The following MOB3B variants were observed in gnomAD, a reference collection of about 807,000 sequenced individuals.
MOB3B encodes MOB kinase activator 3B.
MOB3B carries 7 observed loss-of-function variants against 18.7 expected under a neutral mutation model. The ratio of observed to expected loss-of-function variants is 0.37; its 90% CI spans 0.21 to 0.70. The LOEUF is 0.70. MOB3B is among the 30% of genes least tolerant of loss of function. MOB3B has a pLI of 0.52. For missense variants in MOB3B, 253 were observed against 281.3 expected (o/e 0.90, Z 0.72); for synonymous variants, 111 against 99.9 (o/e 1.11, Z -0.66).
At chr9:27,384,151 G>C (rs968099686) in intron 2 of MOB3B, among the ~76,000 whole-genome samples, 2 of 151,970 alleles carry the variant, frequency 1.3e-5, no homozygotes, top group African/African-American at 4.8e-5. Flanking sequence ...CCCTGCAAGG[G>C]AGGAATTATT....
In MOB3B at chr9:27,328,287, G is replaced by A. The variant is rs1458271598; in HGVS notation, c.*2300C>T. ...GGGCTGAAGCTCCATTTATAACAGA[G>A]ATGAACAGTTAGATGCAGTCAAGCA... On this transcript the variant is annotated 3_prime_UTR_variant, in exon 4 of 4. Coordinates refer to ENST00000262244, the MANE Select transcript of MOB3B (RefSeq NM_024761.5). 1 of 151,858 alleles carries A rather than the reference G, an allele frequency of 6.6e-6. No homozygotes were observed. Among genetic ancestry groups the A allele is most frequent in the East Asian group, 1.9e-4 (1 of 5,174 alleles). 9.4% of individuals were successfully genotyped at this position (151,858 alleles called of 1,614,324 possible).
intron 3 of MOB3B, among the ~76,000 whole-genome samples, chr9:27,341,900 G>A (rs1211590868): frequency 6.6e-6 from 1 of 152,172 alleles, no homozygotes; most frequent in Non-Finnish European, 1.5e-5. Flanking sequence ...GAAAATGACA[G>A]TTCATGGGTC....
intron 1 of MOB3B, among the ~76,000 whole-genome samples, chr9:27,492,162 T>C (rs760719479): frequency 1.5e-4 from 23 of 152,142 alleles, no homozygotes; most frequent in Admixed American, 3.9e-4. Context: ...AAGGAGAAAG[T>C]TGTGGAAAAA....
At chr9:27,467,130 A>C (rs1312471858) in intron 1 of MOB3B, among the ~76,000 whole-genome samples, 1 of 152,226 alleles carries the variant, frequency 6.6e-6, no homozygotes, top group Non-Finnish European at 1.5e-5. Flanking sequence ...AAGTTAAAAA[A>C]AAAGTTTGAA....
intron 2 of MOB3B, among the ~76,000 whole-genome samples, chr9:27,385,408 T>C (rs979793655): frequency 4.6e-5 from 7 of 152,044 alleles, no homozygotes; most frequent in Non-Finnish European, 1.0e-4. Flanking sequence ...GACTGACTGG[T>C]GGTTTTGAAA....
intron 1 of MOB3B, among the ~76,000 whole-genome samples, chr9:27,490,244 G>A (rs1041777725): frequency 1.1e-4 from 16 of 152,160 alleles, no homozygotes; most frequent in African/African-American, 3.4e-4. Context: ...GACCTACCAC[G>A]TATCAGGCGA....
At chr9:27,405,408 TC>T (rs1821952575) in intron 2 of MOB3B, among the ~76,000 whole-genome samples, 1 of 152,134 alleles carries the variant, frequency 6.6e-6, no homozygotes, top group African/African-American at 2.4e-5. Flanking sequence ...GCCCAACCTG[TC>T]CATTTTTTAA....
At chr9:27,506,583 G>A (rs1820063413) in intron 1 of MOB3B, among the ~76,000 whole-genome samples, 1 of 150,924 alleles carries the variant, frequency 6.6e-6, no homozygotes, top group Non-Finnish European at 1.5e-5. Context: ...CCAGGCTGGA[G>A]TGCAGTGGCT....
At chr9:27,364,751 T>C (rs1453893658) in intron 2 of MOB3B, among the ~76,000 whole-genome samples, 1 of 148,770 alleles carries the variant, frequency 6.7e-6, no homozygotes, top group Non-Finnish European at 1.5e-5. Flanking sequence ...CTAAAAGGTT[T>C]AGCTTACTGC....
intron 2 of MOB3B, among the ~76,000 whole-genome samples, chr9:27,423,822 A>G (rs1822290601): frequency 1.3e-5 from 2 of 152,252 alleles, no homozygotes; most frequent in African/African-American, 2.4e-5. Flanking sequence ...AGTATCAATT[A>G]TTTAGCTAGA....
intron 3 of MOB3B, among the ~76,000 whole-genome samples, chr9:27,341,060 C>T (rs558679161): frequency 6.6e-5 from 10 of 152,132 alleles, no homozygotes; most frequent in South Asian, 2.1e-4. Context: ...AGGCTGGATG[C>T]GGGAGGGCAG....
intron 3 of MOB3B, among the ~76,000 whole-genome samples, chr9:27,340,618 C>T (rs1019290753): frequency 3.3e-5 from 5 of 152,230 alleles, no homozygotes; most frequent in Non-Finnish European, 4.4e-5. Context: ...TTTTAGCACC[C>T]TGTCTTGCTC....
chr9:27,511,845 G>A (rs35527806), intron 1 of MOB3B, among the ~76,000 whole-genome samples: 7,559 of 152,146 alleles, frequency 0.05, 258 homozygotes, highest in East Asian at 0.095. Context: ...CATTTTGATT[G>A]CTAGATTGTT....
rs529213788 is a variant in MOB3B at position 27,487,838 on chromosome 9, A to G, written c.-198-32090T>C. Among the ~76,000 whole-genome samples the G allele has an allele frequency of 9.8e-4, 150 of 152,326 alleles. 2 individuals are homozygous for G. In the South Asian group the frequency reaches 0.029, roughly 29 times the overall value. ...TGCTTATTGATTCTGCTATGCTATCATCATGGCTTCTGCCTTCTCTTAACT... is the reference window on the plus strand; with the variant it reads ...TGCTTATTGATTCTGCTATGCTATCGTCATGGCTTCTGCCTTCTCTTAACT... On this transcript the variant is annotated intron_variant, in intron 1 of 3. Transcript: ENST00000262244.
Position 27,330,368 on chromosome 9 carries a change from G to C in MOB3B, c.*219C>G. On this transcript the variant is annotated 3_prime_UTR_variant, in exon 4 of 4. Coordinates refer to ENST00000262244, the MANE Select transcript of MOB3B (RefSeq NM_024761.5). ...GTCAAGGGGCTGGTCCTTCTTTCAC[G>C]TTGTGGTCTGCCTCGTCCACAGGTC... The C allele has an allele frequency of 1.9e-6, 1 of 523,918 alleles. No individual in the cohort carries two copies. The allele number at this position is 523,918 out of a possible 1,614,324, so 32.5% of individuals were successfully genotyped here. A position where few individuals can be genotyped will look rare whatever the true frequency, so the allele number is the denominator to read the frequency against.
chr9:27,490,757 A>G (rs1190570968), intron 1 of MOB3B, among the ~76,000 whole-genome samples: 1 of 152,134 alleles, frequency 6.6e-6, no homozygotes, highest in African/African-American at 2.4e-5. Flanking sequence ...TGCTCTTTAC[A>G]CTGGACCTTG....
Position 27,327,997 on chromosome 9 carries a change from T to G in MOB3B, c.*2590A>C, listed in dbSNP as rs1191200808. On this transcript the variant is annotated 3_prime_UTR_variant, in exon 4 of 4. Coordinates refer to ENST00000262244, the MANE Select transcript of MOB3B (RefSeq NM_024761.5). ...GTCCTGGCTACTCAGGAGGCTAAGG[T>G]TGAAGCTCACTTGAGGCAAGGGGTT... 1 of 151,470 alleles carries G rather than the reference T, an allele frequency of 6.6e-6. No individual in the cohort carries two copies. Among genetic ancestry groups the G allele is most frequent in the Non-Finnish European group, 1.5e-5 (1 of 67,906 alleles). 9.4% of individuals were successfully genotyped at this position (151,470 alleles called of 1,614,324 possible).
At chr9:27,338,713 G>A (rs1358307056) in intron 3 of MOB3B, among the ~76,000 whole-genome samples, 1 of 152,228 alleles carries the variant, frequency 6.6e-6, no homozygotes, top group African/African-American at 2.4e-5. Context: ...CCACTGTGTC[G>A]CTGTCGGGAC....
rs141238077 is a variant in MOB3B at position 27,377,638 on chromosome 9, G to A, written c.419-18402C>T. Among the ~76,000 whole-genome samples the A allele has an allele frequency of 1.9e-3, 292 of 152,330 alleles. 5 individuals are homozygous for A. In the South Asian group the frequency reaches 0.031, roughly 16 times the overall value. On this transcript the variant is annotated intron_variant, in intron 2 of 3. Transcript: ENST00000262244. ...TTGTGCTTCAAACAAGTTCCCAGGT[G>A]AGGTTTATACAAATCTGACCACACT...
Sources: allele counts gnomAD v4.1 joint callset (sites outside exome capture counted in the v4.1 genomes callset), GRCh38; gene constraint gnomAD v4.1.1; transcripts MANE v1.5; gene names NCBI Gene and HGNC (gene_info 2026-07-23, HGNC 2026-07-21).